Variants in GTPBP2 observed in about 807,000 individuals in gnomAD.
The protein encoded by GTPBP2 is GTP-binding protein 2.
In GTPBP2, 32 loss-of-function variants were observed where a neutral mutation model predicts 63.0. The ratio of observed to expected loss-of-function variants is 0.51; its 90% CI spans 0.38 to 0.68. The LOEUF is 0.68. Among genes scored for constraint, GTPBP2 ranks in the 30% least tolerant of loss-of-function variants. GTPBP2 has a pLI of 0.00. For missense variants in GTPBP2, 492 were observed against 796.9 expected (o/e 0.62, Z 4.61); for synonymous variants, 310 against 322.6 (o/e 0.96, Z 0.42).
chr6:43,630,908 C>CA (rs753239311), upstream of GTPBP2, among the ~76,000 whole-genome samples: 3,317 of 51,870 alleles, frequency 0.064, 151 homozygotes, highest in African/African-American at 0.094. Flanking sequence ...GACTTCGTCT[C>CA]AAAAAAAAAA....
intron 1 of GTPBP2, among the ~76,000 whole-genome samples, chr6:43,627,794 C>A (rs1769492998): frequency 1.3e-5 from 2 of 152,370 alleles, no homozygotes; most frequent in South Asian, 4.1e-4. Context: ...CATTCCATCC[C>A]TTCAAGGCTG....
In GTPBP2 at chr6:43,624,425, G is replaced by C. The variant is rs1034991567; in HGVS notation, c.1100+85C>G. The C allele has an allele frequency of 1.0e-6, 1 of 998,296 alleles. No individual in the cohort carries two copies. The allele number at this position is 998,296 out of a possible 1,614,324, so 61.8% of individuals were successfully genotyped here. On this transcript the variant is annotated intron_variant, in intron 7 of 11. Coordinates refer to ENST00000307126, the MANE Select transcript of GTPBP2 (RefSeq NM_019096.5). This position sits in a 1 kb window ranked among gnomAD's most constrained non-coding sequence, Gnocchi z 5.1. ...CTAAGCCAGAACTGGTCTGGCCCTGGAGAAGTAGGATATCATGCTTCTGGG... is the reference window on the plus strand; with the variant it reads ...CTAAGCCAGAACTGGTCTGGCCCTGCAGAAGTAGGATATCATGCTTCTGGG...
chr6:43,626,887 C>A lies in GTPBP2; in HGVS notation c.213+35G>T. 1.3e-6 allele frequency: 2 copies of A among 1,550,042 alleles called. No individual in the cohort carries two copies. Among genetic ancestry groups the A allele is most frequent in the Admixed American group, 1.8e-5 (1 of 55,838 alleles). On this transcript the variant is annotated intron_variant, in intron 2 of 11. Coordinates refer to ENST00000307126, the MANE Select transcript of GTPBP2 (RefSeq NM_019096.5). The surrounding 1 kb of genome is among the most constrained non-coding windows in gnomAD (Gnocchi z 4.0). ...ATCCCACACTGGCAAGGACAACCTACCCCAGCCCCTGCTTTTCCCCAGCCT... is the reference window on the plus strand; with the variant it reads ...ATCCCACACTGGCAAGGACAACCTAACCCAGCCCCTGCTTTTCCCCAGCCT...
Position 43,622,560 on chromosome 6 carries a change from G to T in GTPBP2, c.1467+73C>A. ...GAGTTTCTCTGAAGCACCTTAGATAGGTGCTCATTCAGTAGCCAGTCTCCT... is the reference window on the plus strand; with the variant it reads ...GAGTTTCTCTGAAGCACCTTAGATATGTGCTCATTCAGTAGCCAGTCTCCT... On this transcript the variant is annotated intron_variant, in intron 10 of 11. Transcript: ENST00000307126. This position sits in a 1 kb window ranked among gnomAD's most constrained non-coding sequence, Gnocchi z 5.4. 7.2e-7 allele frequency: 1 copy of T among 1,386,988 alleles called. No individual in the cohort carries two copies. The highest frequency in any genetic ancestry group is 1.3e-5 in the South Asian group (1 of 78,466). The allele number at this position is 1,386,988 out of a possible 1,614,324, so 85.9% of individuals were successfully genotyped here.
intron 9 of GTPBP2, 84 bp downstream of exon 9, chr6:43,623,653 C>G: frequency 1.0e-6 from 1 of 1,000,248 alleles, no homozygotes; most frequent in African/African-American, 1.6e-5. Flanking sequence ...CCGTTCAATT[C>G]CAGGGTCTCC....
Position 43,625,248 on chromosome 6 carries a change from C to T in GTPBP2, c.705+115G>A. 1.9e-6 allele frequency: 2 copies of T among 1,060,618 alleles called. No homozygotes were observed. Among genetic ancestry groups the T allele is most frequent in the Non-Finnish European group, 2.9e-6 (2 of 696,136 alleles). The allele number at this position is 1,060,618 out of a possible 1,614,324, so 65.7% of individuals were successfully genotyped here. A position where few individuals can be genotyped will look rare whatever the true frequency, so the allele number is the denominator to read the frequency against. ...GAGCTTGTTCACAGTCCCCTCAGGG[C>T]ATTCATCTATACTATTTCAAAAAGT... On this transcript the variant is annotated intron_variant, in intron 5 of 11. Transcript: ENST00000307126. This position sits in a 1 kb window ranked among gnomAD's most constrained non-coding sequence, Gnocchi z 5.1.
In GTPBP2 at chr6:43,624,698, G is replaced by T. The variant is rs746420204; in HGVS notation, c.912C>A (p.Ala304=). 11 of 1,614,032 alleles carry T rather than the reference G, an allele frequency of 6.8e-6. No individual in the cohort carries two copies. Among genetic ancestry groups the T allele is most frequent in the Non-Finnish European group, 9.3e-6 (11 of 1,180,028 alleles). ...AGTTREHLGL[A]LALKVPFFIV... ...TGAAGAAGGGCACTTTCAGGGCCAG[G>T]GCCAGCCCCAGATGTTCCCTTGTGG... is the stretch of plus-strand genomic sequence containing the variant. The change falls in exon 7 of 12, where the codon GCC becomes GCA. Residue 304 remains alanine (A), a synonymous_variant. Coordinates refer to ENST00000307126, the MANE Select transcript of GTPBP2 (RefSeq NM_019096.5). This position sits in a 1 kb window ranked among gnomAD's most constrained non-coding sequence, Gnocchi z 5.1.
At chr6:43,629,802 ATGG>A, upstream of GTPBP2, 1 of 1,560,208 alleles carries the variant, frequency 6.4e-7, no homozygotes, top group Admixed American at 1.9e-5. Flanking sequence ...GCGGAGGCGG[ATGG>A]TGATTAGCCA....
Position 43,625,622 on chromosome 6 carries a change from T to C in GTPBP2, c.508-62A>G. The C allele has an allele frequency of 6.8e-7, 1 of 1,475,126 alleles. No individual in the cohort carries two copies. Among genetic ancestry groups the C allele is most frequent in the Admixed American group, 1.7e-5 (1 of 59,224 alleles). The allele number at this position is 1,475,126 out of a possible 1,614,324, so 91.4% of individuals were successfully genotyped here. A position where few individuals can be genotyped will look rare whatever the true frequency, so the allele number is the denominator to read the frequency against. ...CTCACCCCTCTAACTGAAGACTGGGTCAAGGGCAGTGACGCTCCCTAGGGA... is the reference window on the plus strand; with the variant it reads ...CTCACCCCTCTAACTGAAGACTGGGCCAAGGGCAGTGACGCTCCCTAGGGA... On this transcript the variant is annotated intron_variant, in intron 4 of 11. Coordinates refer to ENST00000307126, the MANE Select transcript of GTPBP2 (RefSeq NM_019096.5). This position sits in a 1 kb window ranked among gnomAD's most constrained non-coding sequence, Gnocchi z 5.1.
chr6:43,622,273 A>G lies in GTPBP2; in HGVS notation c.1468-106T>C. 1.1e-6 allele frequency: 1 copy of G among 922,482 alleles called. No homozygotes were observed. Among genetic ancestry groups the G allele is most frequent in the East Asian group, 2.6e-5 (1 of 38,748 alleles). 57.1% of individuals were successfully genotyped at this position (922,482 alleles called of 1,614,324 possible). A position where few individuals can be genotyped will look rare whatever the true frequency, so the allele number is the denominator to read the frequency against. On this transcript the variant is annotated intron_variant, in intron 10 of 11. Coordinates refer to ENST00000307126, the MANE Select transcript of GTPBP2 (RefSeq NM_019096.5). This position sits in a 1 kb window ranked among gnomAD's most constrained non-coding sequence, Gnocchi z 5.4. ...TAGCTCCTGAATTTCCTCTTCCTCTACACAACTCTAAACACAAAGACCTCA... is the reference window on the plus strand; with the variant it reads ...TAGCTCCTGAATTTCCTCTTCCTCTGCACAACTCTAAACACAAAGACCTCA...
In GTPBP2 at chr6:43,629,140, A is replaced by G; in HGVS notation, c.23T>C (p.Leu8Pro). 1 of 1,491,352 alleles carries G rather than the reference A, an allele frequency of 6.7e-7. No individual in the cohort carries two copies. The highest frequency in any genetic ancestry group is 8.9e-7 in the Non-Finnish European group (1 of 1,127,478). 92.4% of individuals were successfully genotyped at this position (1,491,352 alleles called of 1,614,324 possible). MDSRVSE[L>P]FGGCCRPGGG... ...TCCGGGCCGGCAGCAGCCGCCGAAC[A>G]GCTCCGATACCCGCGAGTCCATCCG... is the stretch of plus-strand genomic sequence containing the variant. Residue 8 changes from leucine to proline, a missense_variant, in exon 1 of 12, where the codon CTG (leucine) becomes CCG (proline). Physicochemically the swap from Leu to Pro is moderately conservative, Grantham distance 98. This residue lies in a region of GTPBP2 where 92 missense variants were observed against 86.1 expected (regional missense o/e 1.07). Transcript: ENST00000307126.
At chr6:43,627,863 G>A (rs1273368895) in intron 1 of GTPBP2, among the ~76,000 whole-genome samples, 2 of 149,928 alleles carry the variant, frequency 1.3e-5, no homozygotes, top group Non-Finnish European at 2.9e-5. Flanking sequence ...GGTGTGTTAA[G>A]GAGATTATTT....
Position 43,629,080 on chromosome 6 carries a change from CT to C in GTPBP2, c.82del (p.Arg28GlyfsTer45). ...GCAGCCGCTGCTGCTGCCGGCCCCC[CT>C]AGCCTTGAGGGTTCCGCCCACGGCC... ...GPAVGGTLKA[R>X]GAGSSSGCGG... On this transcript the variant is annotated frameshift_variant, in exon 1 of 12. Transcript: ENST00000307126. LOFTEE classifies it high-confidence loss of function. The C allele has an allele frequency of 6.3e-7, 1 of 1,598,446 alleles. No individual in the cohort carries two copies. The highest frequency in any genetic ancestry group is 8.5e-7 in the Non-Finnish European group (1 of 1,172,824).
At chr6:43,630,070 C>G (rs2127851984), upstream of GTPBP2, among the ~76,000 whole-genome samples, 1 of 152,320 alleles carries the variant, frequency 6.6e-6, no homozygotes, top group South Asian at 2.1e-4. Context: ...ACGGCCAAGA[C>G]TGTAGGAGGG....
rs778773309 is a variant in GTPBP2, at chr6:43,621,404, C to G, written c.*210G>C. 14 of 1,532,298 alleles carry G rather than the reference C, an allele frequency of 9.1e-6. No individual in the cohort carries two copies. In the South Asian group the frequency reaches 1.7e-4, roughly 18 times the overall value. 94.9% of individuals were successfully genotyped at this position (1,532,298 alleles called of 1,614,324 possible). ...TGAGCACACAGCTTCGGAGCACTGC[C>G]CTGAATCCTGTCTTCTCCCTCAGGA... On this transcript the variant is annotated 3_prime_UTR_variant, in exon 12 of 12. Transcript: ENST00000307126.
At position 43,623,724 on chromosome 6, in the gene GTPBP2, C is replaced by A; in HGVS notation, c.1295+13G>T. 6.2e-7 allele frequency: 1 copy of A among 1,601,800 alleles called. No homozygotes were observed. The highest frequency in any genetic ancestry group is 8.6e-7 in the Non-Finnish European group (1 of 1,168,832). ...AGGGCTGAGTGGGGAGGGTAGCAAG[C>A]AAGACAATTTACCTGGAAAGTGTTC... On this transcript the variant is annotated intron_variant, in intron 9 of 11. Transcript: ENST00000307126.
At position 43,624,581 on chromosome 6, in the gene GTPBP2, G is replaced by C; in HGVS notation, c.1029C>G (p.His343Gln). 4 of 1,614,130 alleles carry C rather than the reference G, an allele frequency of 2.5e-6. No individual in the cohort carries two copies. Among genetic ancestry groups the C allele is most frequent in the Non-Finnish European group, 3.4e-6 (4 of 1,179,978 alleles). The change falls in exon 7 of 12, where the codon CAC (histidine) becomes CAG (glutamine). Residue 343 changes from histidine to glutamine, a missense_variant. His to Gln is a conservative substitution (Grantham distance 24). Transcript: ENST00000307126. This position sits in a 1 kb window ranked among gnomAD's most constrained non-coding sequence, Gnocchi z 5.1. ...CAGAGGTGACCAGCATGGGGACCTT[G>C]TGGCAGCCAGGCTGCTTGAGGACCC... ...LERVLKQPGCHKVPMLVTSED... is the reference protein window; with the variant it reads ...LERVLKQPGCQKVPMLVTSED...
Position 43,623,914 on chromosome 6 carries a change from T to A in GTPBP2, c.1236+19A>T, listed in dbSNP as rs1769061695. The A allele has an allele frequency of 6.2e-7, 1 of 1,613,704 alleles. No homozygotes were observed. The highest frequency in any genetic ancestry group is 1.3e-5 in the African/African-American group (1 of 74,930). The stretch of plus-strand genomic sequence containing the variant: ...CCTCCCTGTTTCCCAGCCTATTAGA[T>A]GTTTGGGCAGTCAACTACCTGGAAC... On this transcript the variant is annotated intron_variant, in intron 8 of 11. Transcript: ENST00000307126.
In GTPBP2 at chr6:43,621,275, A is replaced by T; in HGVS notation, c.*339T>A. On this transcript the variant is annotated 3_prime_UTR_variant, in exon 12 of 12. Coordinates refer to ENST00000307126, the MANE Select transcript of GTPBP2 (RefSeq NM_019096.5). ...CCTGAAGTGCAGAGACCACACCAGC[A>T]AAACATGCCCAGTCTTAGTAGTGGG... The T allele has an allele frequency of 1.8e-6, 1 of 548,190 alleles. No homozygotes were observed. The highest frequency in any genetic ancestry group is 3.2e-6 in the Non-Finnish European group (1 of 311,434). 34.0% of individuals were successfully genotyped at this position (548,190 alleles called of 1,614,324 possible). A position where few individuals can be genotyped will look rare whatever the true frequency, so the allele number is the denominator to read the frequency against.
Sources: gnomAD v4.1 joint callset for allele counts (sites outside exome capture counted in the v4.1 genomes callset) on GRCh38, gnomAD v4.1.1 for gene constraint, gnomAD v4.1.1 regional missense constraint, Gnocchi (gnomAD v3.1) non-coding constraint, MANE v1.5 for transcripts, NCBI Gene and HGNC (gene_info 2026-07-23, HGNC 2026-07-21) for gene names.